The following TXNDC15 variants were observed in gnomAD, a reference collection of about 807,000 sequenced individuals.
The protein encoded by TXNDC15 is thioredoxin domain-containing protein 15.
In TXNDC15, 24 loss-of-function variants were observed where a neutral mutation model predicts 35.0. The observed-to-expected ratio is 0.68, with a 90% CI of 0.50 to 0.96. The LOEUF (loss-of-function observed/expected upper bound fraction) is 0.96, where lower values mean the gene tolerates loss of function less well. Ranked by LOEUF, TXNDC15 falls within the 40% of genes least tolerant of loss-of-function variation. The pLI is 0.00. For missense variants in TXNDC15, 385 were observed against 453.3 expected (o/e 0.85, Z 1.37); for synonymous variants, 169 against 174.0 (o/e 0.97, Z 0.23).
chr5:134,899,564 G>T lies in TXNDC15; in HGVS notation c.962G>T (p.Ser321Ile), dbSNP rs757456492. 5.6e-6 allele frequency: 9 copies of T among 1,614,002 alleles called. No individual in the cohort carries two copies. Among genetic ancestry groups the T allele is most frequent in the Non-Finnish European group, 7.6e-6 (9 of 1,180,002 alleles). Residue 321 changes from serine to isoleucine, a missense_variant, in exon 5 of 5, where the codon AGT becomes ATT. Coordinates refer to ENST00000358387, the MANE Select transcript of TXNDC15 (RefSeq NM_024715.4). ...CCTCTTCCCAGCACTTTGATAAAAA[G>T]TGTGGACTGGTTGCTTGTATTTTCC... is the stretch of plus-strand genomic sequence containing the variant. ...IGPLPSTLIK[S>I]VDWLLVFSLF...
At position 134,882,847 on chromosome 5, in the gene TXNDC15, G is replaced by T. The variant is rs529089378; in HGVS notation, c.104-4848G>T. Among the ~76,000 whole-genome samples the T allele has an allele frequency of 1.7e-3, 253 of 152,292 alleles. 1 individual carries two copies. The highest frequency in any genetic ancestry group is 6.8e-3 in the Middle Eastern group (2 of 294). The stretch of plus-strand genomic sequence containing the variant: ...AGACCGTGGAAAGAGGAGGGAGAGG[G>T]GGAGGGGGAGAGGGAGAGGGAGAGC... On this transcript the variant is annotated intron_variant, in intron 1 of 4. Coordinates refer to ENST00000358387, the MANE Select transcript of TXNDC15 (RefSeq NM_024715.4).
chr5:134,897,635 C>T (rs972398578), intron 4 of TXNDC15, among the ~76,000 whole-genome samples: 3 of 152,330 alleles, frequency 2.0e-5, no homozygotes, highest in Middle Eastern at 3.4e-3. Context: ...ACATTTTTCA[C>T]TTAATATTTA....
chr5:134,898,308 A>C (rs1261936126), intron 4 of TXNDC15, among the ~76,000 whole-genome samples: 1 of 152,108 alleles, frequency 6.6e-6, no homozygotes, highest in Non-Finnish European at 1.5e-5. Context: ...ATGCTATCTT[A>C]GTTCCTTAAT....
intron 1 of TXNDC15, among the ~76,000 whole-genome samples, chr5:134,880,633 G>A (rs948100710): frequency 2.0e-5 from 3 of 151,880 alleles, no homozygotes; most frequent in African/African-American, 7.3e-5. Flanking sequence ...AGTAGATACA[G>A]GGTTTCACCA....
At position 134,874,596 on chromosome 5, in the gene TXNDC15, C is replaced by T. The variant is rs936489661; in HGVS notation, c.103+66C>T. 69 of 1,356,108 alleles carry T rather than the reference C, an allele frequency of 5.1e-5. No homozygotes were observed. In the African/African-American group the frequency reaches 9.0e-4, roughly 18 times the overall value. The allele number at this position is 1,356,108 out of a possible 1,614,324, so 84.0% of individuals were successfully genotyped here. On this transcript the variant is annotated intron_variant, in intron 1 of 4. Transcript: ENST00000358387. ...AGCTGAGGTCCACCCGGGCGACGCT[C>T]TGGACCTGCGCGAAGGCCGGCGGTG... is the stretch of plus-strand genomic sequence containing the variant.
chr5:134,893,743 A>G (rs1156371328), intron 3 of TXNDC15, 88 bp downstream of exon 3: 1 of 1,536,068 alleles, frequency 6.5e-7, no homozygotes, highest in Non-Finnish European at 8.9e-7. Context: ...TTAGAAGCAG[A>G]AGAGGGGGGG....
intron 3 of TXNDC15, 106 bp from the exon 4 acceptor site, chr5:134,896,188 C>T: frequency 7.4e-7 from 1 of 1,347,376 alleles, no homozygotes; most frequent in Admixed American, 2.4e-5. Flanking sequence ...CTCCGTAGGT[C>T]ACACGCAACT....
At position 134,887,822 on chromosome 5, in the gene TXNDC15, G is replaced by A; in HGVS notation, c.231G>A (p.Glu77=). The A allele has an allele frequency of 6.2e-7, 1 of 1,614,246 alleles. No homozygotes were observed. The highest frequency in any genetic ancestry group is 1.3e-5 in the African/African-American group (1 of 75,068). ...DPMGQDRAAE[E]ANAVLGLDTQ... ...TGGGCCAGGACAGGGCAGCAGAAGA[G>A]GCCAATGCGGTGCTGGGGCTGGACA... The change falls in exon 2 of 5, where the codon GAG becomes GAA. Residue 77 remains glutamate (E), a synonymous_variant. Transcript: ENST00000358387.
chr5:134,886,650 GC>G (rs1750281144), intron 1 of TXNDC15, among the ~76,000 whole-genome samples: 1 of 152,254 alleles, frequency 6.6e-6, no homozygotes, highest in African/African-American at 2.4e-5. Flanking sequence ...AAGGGCAGCA[GC>G]CCAAGGGTGG....
intron 1 of TXNDC15, among the ~76,000 whole-genome samples, chr5:134,875,687 T>G (rs1750020147): frequency 6.6e-6 from 1 of 150,538 alleles, no homozygotes; most frequent in Admixed American, 6.6e-5. Flanking sequence ...TATTTTTTTT[T>G]GAGATGGAGT....
At chr5:134,886,021 A>T (rs1416800271) in intron 1 of TXNDC15, among the ~76,000 whole-genome samples, 1 of 152,230 alleles carries the variant, frequency 6.6e-6, no homozygotes, top group Non-Finnish European at 1.5e-5. Context: ...CCTATTGTAT[A>T]TTTTAAAATA....
At chr5:134,874,370 C>T (rs956672575), upstream of TXNDC15, 7 of 1,465,566 alleles carry the variant, frequency 4.8e-6, no homozygotes, top group South Asian at 2.5e-5. Flanking sequence ...CCCCAGCCTT[C>T]CTCCGGCTGG....
intron 1 of TXNDC15, among the ~76,000 whole-genome samples, chr5:134,881,171 T>TTTA (rs147307343): frequency 1.6e-5 from 2 of 124,314 alleles, no homozygotes; most frequent in Non-Finnish European, 3.3e-5. Context: ...GATAGGTTCT[T>TTTA]TTTATTTATT....
At chr5:134,894,247 T>G (rs1037831031) in intron 3 of TXNDC15, among the ~76,000 whole-genome samples, 1 of 152,154 alleles carries the variant, frequency 6.6e-6, no homozygotes, top group Non-Finnish European at 1.5e-5. Flanking sequence ...CGTGTATCAT[T>G]CACTGGGTTT....
At chr5:134,886,241 G>T (rs1489329098) in intron 1 of TXNDC15, among the ~76,000 whole-genome samples, 1 of 152,234 alleles carries the variant, frequency 6.6e-6, no homozygotes, top group East Asian at 1.9e-4. Flanking sequence ...TTATACAAAT[G>T]TGCATACCTG....
chr5:134,877,560 T>C (rs1390703531), intron 1 of TXNDC15, among the ~76,000 whole-genome samples: 1 of 151,946 alleles, frequency 6.6e-6, no homozygotes, highest in Non-Finnish European at 1.5e-5. Flanking sequence ...GAAGTGTTAG[T>C]TGGGATGGGG....
chr5:134,890,566 T>G (rs1750370571), intron 2 of TXNDC15, among the ~76,000 whole-genome samples: 1 of 152,058 alleles, frequency 6.6e-6, no homozygotes, highest in Non-Finnish European at 1.5e-5. Flanking sequence ...GTGCTTCACA[T>G]GCCCAGCTAA....
intron 1 of TXNDC15, among the ~76,000 whole-genome samples, chr5:134,886,893 G>A (rs933290288): frequency 1.3e-5 from 2 of 152,178 alleles, no homozygotes; most frequent in East Asian, 3.8e-4. Flanking sequence ...GCCTTGCCTC[G>A]TTACCTGTTC....
At chr5:134,894,038 A>G (rs1213293179) in intron 3 of TXNDC15, among the ~76,000 whole-genome samples, 1 of 152,098 alleles carries the variant, frequency 6.6e-6, no homozygotes, top group East Asian at 1.9e-4. Flanking sequence ...AGGCAGCCCA[A>G]TTCCCAGCAC....
Sources: gnomAD v4.1 joint callset for allele counts (sites outside exome capture counted in the v4.1 genomes callset) on GRCh38, gnomAD v4.1.1 for gene constraint, MANE v1.5 for transcripts, NCBI Gene and HGNC (gene_info 2026-07-23, HGNC 2026-07-21) for gene names.